DNER: variants seen among roughly 807,000 people sequenced by gnomAD.
DNER encodes delta/notch like EGF repeat containing.
A neutral mutation model predicts 78.2 loss-of-function variants in DNER; 33 were observed. The ratio of observed to expected loss-of-function variants is 0.42; its 90% CI spans 0.32 to 0.56. The LOEUF (loss-of-function observed/expected upper bound fraction) is 0.56. DNER is among the 20% of genes least tolerant of loss of function. The pLI is 0.11. For missense variants in DNER, 918 were observed against 975.3 expected (o/e 0.94, Z 0.78); for synonymous variants, 417 against 384.8 (o/e 1.08, Z -0.98).
Position 229,370,035 on chromosome 2 carries a change from G to C in DNER, c.1856-2916C>G, listed in dbSNP as rs147410526. ...GCCTGTCTTTCCATGAAATCCACAGGACTCTTCTCACTGTCCATTATCGTT... is the reference window on the plus strand; with the variant it reads ...GCCTGTCTTTCCATGAAATCCACAGCACTCTTCTCACTGTCCATTATCGTT... On this transcript the variant is annotated intron_variant, in intron 11 of 12. Coordinates refer to ENST00000341772, the MANE Select transcript of DNER (RefSeq NM_139072.4). Among the ~76,000 whole-genome samples the C allele has an allele frequency of 6.4e-3, 978 of 152,176 alleles. 5 individuals are homozygous for C. Among genetic ancestry groups the C allele is most frequent in the Admixed American group, 0.01 (156 of 15,284 alleles).
chr2:229,366,729 T>C, intron 12 of DNER, 144 bp downstream of exon 12: 2 of 1,289,320 alleles, frequency 1.6e-6, no homozygotes, highest in Admixed American at 4.7e-5. Flanking sequence ...GGTCGAATGA[T>C]CTATCCCCAA....
intron 6 of DNER, among the ~76,000 whole-genome samples, chr2:229,496,638 G>A (rs544138760): frequency 1.3e-5 from 2 of 152,120 alleles, no homozygotes; most frequent in Admixed American, 6.5e-5. Context: ...GAAACCAAAA[G>A]AGAGCAGGGA....
At position 229,574,280 on chromosome 2, in the gene DNER, G is replaced by A. The variant is rs142817158; in HGVS notation, c.847+11578C>T. Among the ~76,000 whole-genome samples the A allele has an allele frequency of 9.1e-4, 138 of 152,136 alleles. 1 individual carries two copies. Among genetic ancestry groups the A allele is most frequent in the African/African-American group, 3.1e-3 (130 of 41,502 alleles). ...ATCATCCGAGAAGACACAAAGATGT[G>A]GTTATACCAACATTTGAAATTCTGC... On this transcript the variant is annotated intron_variant, in intron 4 of 12. Coordinates refer to ENST00000341772, the MANE Select transcript of DNER (RefSeq NM_139072.4).
At chr2:229,607,761 A>T (rs1049653530) in intron 1 of DNER, among the ~76,000 whole-genome samples, 1 of 152,038 alleles carries the variant, frequency 6.6e-6, no homozygotes, top group African/African-American at 2.4e-5. Flanking sequence ...GATAGCTCAC[A>T]CCTGTAATCC....
At chr2:229,519,706 C>A (rs569221434) in intron 5 of DNER, among the ~76,000 whole-genome samples, 1 of 152,126 alleles carries the variant, frequency 6.6e-6, no homozygotes, top group Admixed American at 6.5e-5. Context: ...TCAGAAGATG[C>A]GTGTGGGGAG....
intron 1 of DNER, among the ~76,000 whole-genome samples, chr2:229,606,752 G>T (rs1307773563): frequency 6.6e-6 from 1 of 152,092 alleles, no homozygotes; most frequent in African/African-American, 2.4e-5. Context: ...AATTAGCTGG[G>T]CGTGGTGGTG....
chr2:229,657,268 T>G (rs975287217), intron 1 of DNER, among the ~76,000 whole-genome samples: 23 of 152,214 alleles, frequency 1.5e-4, no homozygotes, highest in Admixed American at 1.5e-3. Context: ...TTATTTCATT[T>G]AGCATAATGT....
intron 1 of DNER, among the ~76,000 whole-genome samples, chr2:229,689,428 A>G (rs1699533412): frequency 6.6e-6 from 1 of 152,222 alleles, no homozygotes; most frequent in Admixed American, 6.5e-5. Flanking sequence ...GTGTTTCTGC[A>G]CACAATTTAT....
intron 4 of DNER, 126 bp from the exon 5 acceptor site, chr2:229,547,218 A>G: frequency 7.5e-6 from 10 of 1,332,028 alleles, no homozygotes; most frequent in Non-Finnish European, 1.0e-5. Context: ...CAAGTCTGAC[A>G]AAACAAAATG....
At chr2:229,442,213 TA>T (rs1205667672) in intron 8 of DNER, among the ~76,000 whole-genome samples, 1 of 152,110 alleles carries the variant, frequency 6.6e-6, no homozygotes, top group African/African-American at 2.4e-5. Context: ...TACAGCATGT[TA>T]AATATAAGAA....
intron 4 of DNER, among the ~76,000 whole-genome samples, chr2:229,559,861 C>T: frequency 6.6e-6 from 1 of 152,170 alleles, no homozygotes; most frequent in East Asian, 1.9e-4. Flanking sequence ...CTCCTCCTTC[C>T]CCACTCTCCT....
chr2:229,597,483 G>A (rs997825992), intron 1 of DNER, among the ~76,000 whole-genome samples: 5 of 152,194 alleles, frequency 3.3e-5, no homozygotes, highest in South Asian at 2.1e-4. Flanking sequence ...CTGCTCTTGC[G>A]TCCCATTAAA....
At chr2:229,475,839 G>A (rs1695023845) in intron 7 of DNER, among the ~76,000 whole-genome samples, 1 of 152,128 alleles carries the variant, frequency 6.6e-6, no homozygotes, top group African/African-American at 2.4e-5. Flanking sequence ...TTGGTCCCAG[G>A]ACGACCCTGC....
At chr2:229,671,535 A>G (rs976644737) in intron 1 of DNER, among the ~76,000 whole-genome samples, 15 of 152,092 alleles carry the variant, frequency 9.9e-5, no homozygotes, top group South Asian at 4.2e-4. Context: ...TCCACCCCCA[A>G]ACTAGAATAT....
chr2:229,447,165 A>T, intron 8 of DNER, 151 bp downstream of exon 8: 1 of 688,332 alleles, frequency 1.5e-6, no homozygotes, highest in Non-Finnish European at 2.3e-6. Flanking sequence ...ATTCACAAGT[A>T]TATCAGTAAG....
chr2:229,494,343 G>A (rs1403571123), intron 6 of DNER, among the ~76,000 whole-genome samples: 2 of 152,204 alleles, frequency 1.3e-5, no homozygotes, highest in South Asian at 2.1e-4. Context: ...ACATGGACCT[G>A]TGAGATCAGA....
Position 229,531,878 on chromosome 2 carries a change from T to C in DNER, c.993+15069A>G, listed in dbSNP as rs115647409. On this transcript the variant is annotated intron_variant, in intron 5 of 12. Transcript: ENST00000341772. ...AATATGGATGAGCCAGAAAACATTA[T>C]GCTGAGTGAAAGAAGCAGACACAAA... Among the ~76,000 whole-genome samples the C allele has an allele frequency of 9.5e-3, 1,450 of 152,308 alleles. 27 individuals carry two copies. Among genetic ancestry groups the C allele is most frequent in the African/African-American group, 0.033 (1,365 of 41,560 alleles).
chr2:229,650,527 C>T (rs1468033292), intron 1 of DNER, among the ~76,000 whole-genome samples: 1 of 152,188 alleles, frequency 6.6e-6, no homozygotes, highest in Non-Finnish European at 1.5e-5. Flanking sequence ...TGAGAGAACA[C>T]CGGACTTCCA....
At chr2:229,638,766 A>G (rs1158176347) in intron 1 of DNER, among the ~76,000 whole-genome samples, 2 of 152,258 alleles carry the variant, frequency 1.3e-5, no homozygotes, top group African/African-American at 4.8e-5. Flanking sequence ...TTAGAATTAT[A>G]TCCTTTCACT....
Sources: gnomAD v4.1 joint callset for allele counts (sites outside exome capture counted in the v4.1 genomes callset) on GRCh38, gnomAD v4.1.1 for gene constraint, MANE v1.5 for transcripts, NCBI Gene and HGNC (gene_info 2026-07-23, HGNC 2026-07-21) for gene names.